Variants in DCAF13 observed in about 807,000 individuals in gnomAD.
DCAF13 encodes DDB1 and CUL4 associated factor 13.
DCAF13 carries 38 observed loss-of-function variants against 59.0 expected under a neutral mutation model. That is an observed-to-expected ratio of 0.64 (90% CI 0.50 to 0.84). DCAF13 has a LOEUF of 0.84. Among genes scored for constraint, DCAF13 ranks in the 40% least tolerant of loss-of-function variants. The pLI is 0.00. For synonymous variants in DCAF13, 173 were observed against 175.0 expected (o/e 0.99, Z 0.09); for missense variants, 469 against 558.4 (o/e 0.84, Z 1.61).
At position 103,435,904 on chromosome 8, in the gene DCAF13, A is replaced by G; in HGVS notation, c.950+114A>G. 3.7e-6 allele frequency: 4 copies of G among 1,091,150 alleles called. No homozygotes were observed. The South Asian group carries it at 4.1e-5, about 11-fold the overall frequency. The allele number at this position is 1,091,150 out of a possible 1,614,324, so 67.6% of individuals were successfully genotyped here. On this transcript the variant is annotated intron_variant, in intron 8 of 10. Transcript: ENST00000612750. ...CATTGTGTGAACATCATCAGAGTGC[A>G]CTTAAACAAAACTAGATGGTATAAC...
rs966869206 is a variant in DCAF13, at chr8:103,425,162, T to C, written c.379-894T>C. Among the ~76,000 whole-genome samples, 8 of 152,306 alleles carry C rather than the reference T, an allele frequency of 5.3e-5. No individual in the cohort carries two copies. The East Asian group carries it at 1.5e-3, about 29-fold the overall frequency. ...CTTTGTTAATGATTTTATCAAAAAG[T>C]GGATATAGATTGCATCTAATATATA... On this transcript the variant is annotated intron_variant, in intron 3 of 10. Transcript: ENST00000612750.
chr8:103,418,348 C>A (rs560179982), intron 1 of DCAF13, among the ~76,000 whole-genome samples: 5 of 151,270 alleles, frequency 3.3e-5, no homozygotes, highest in Non-Finnish European at 7.4e-5. Context: ...AGGAGACCCC[C>A]GTCTCTACAA....
intron 1 of DCAF13, 53 bp from the exon 2 acceptor site, chr8:103,420,211 G>T: frequency 6.6e-7 from 1 of 1,510,950 alleles, no homozygotes; most frequent in South Asian, 1.1e-5. Flanking sequence ...AGCTGAGGAA[G>T]ACTGCAGGAA....
chr8:103,443,176 AC>A lies in DCAF13; in HGVS notation c.*295del, dbSNP rs1375126522. On this transcript the variant is annotated 3_prime_UTR_variant, in exon 11 of 11. Coordinates refer to ENST00000612750, the MANE Select transcript of DCAF13 (RefSeq NM_015420.7). Reference sequence around the variant, plus strand: ...CTTTCTCTTTGATCTATTATTGTAGACACTATACATTCAAATTGACATTTAA... The same window carrying A: ...CTTTCTCTTTGATCTATTATTGTAGAACTATACATTCAAATTGACATTTAA... The A allele has an allele frequency of 4.9e-6, 1 of 202,876 alleles. No homozygotes were observed. Among genetic ancestry groups the A allele is most frequent in the Non-Finnish European group, 9.8e-6 (1 of 101,798 alleles). 12.6% of individuals were successfully genotyped at this position (202,876 alleles called of 1,614,324 possible).
rs141948809 is a variant in DCAF13 at position 103,421,879 on chromosome 8, G to C, written c.378+797G>C. ...TCCGTTCATTCATCAATGAGCATTT[G>C]ATTTGTTTCCACCTTTTGGCTATTG... On this transcript the variant is annotated intron_variant, in intron 3 of 10. Coordinates refer to ENST00000612750, the MANE Select transcript of DCAF13 (RefSeq NM_015420.7). Among the ~76,000 whole-genome samples, 18 of 152,294 alleles carry C rather than the reference G, an allele frequency of 1.2e-4. No individual in the cohort carries two copies. The East Asian group carries it at 3.3e-3, about 28-fold the overall frequency.
chr8:103,424,953 A>G (rs1032129330), intron 3 of DCAF13, among the ~76,000 whole-genome samples: 1 of 152,196 alleles, frequency 6.6e-6, no homozygotes, highest in Non-Finnish European at 1.5e-5. Flanking sequence ...GTAGTTAAGG[A>G]TTCTGTTCAT....
intron 8 of DCAF13, among the ~76,000 whole-genome samples, chr8:103,437,670 T>C (rs1816950158): frequency 6.6e-6 from 1 of 152,082 alleles, no homozygotes; most frequent in South Asian, 2.1e-4. Context: ...CTAATTTGTT[T>C]CTGTGGTTTG....
chr8:103,423,678 C>G (rs1464171378), intron 3 of DCAF13, among the ~76,000 whole-genome samples: 4 of 152,112 alleles, frequency 2.6e-5, no homozygotes, highest in Non-Finnish European at 5.9e-5. Context: ...ATGTTCTCAC[C>G]ACAAAATAAT....
In DCAF13 at chr8:103,417,724, ACT is replaced by A. The variant is rs1350356841; in HGVS notation, c.70+2211_70+2212del. Among the ~76,000 whole-genome samples the A allele has an allele frequency of 7.9e-5, 12 of 151,936 alleles. No homozygotes were observed. The East Asian group carries it at 1.4e-3, about 17-fold the overall frequency. On this transcript the variant is annotated intron_variant, in intron 1 of 10. Coordinates refer to ENST00000612750, the MANE Select transcript of DCAF13 (RefSeq NM_015420.7). ...ATGTTGAGAAGGGATCTGCTCAAAAACTCTGTTATTAATGGGGCACACAGAAA... is the reference window on the plus strand; with the variant it reads ...ATGTTGAGAAGGGATCTGCTCAAAAACTGTTATTAATGGGGCACACAGAAA...
chr8:103,420,652 A>C (rs1284448600), intron 2 of DCAF13, 189 bp downstream of exon 2: 1 of 612,184 alleles, frequency 1.6e-6, no homozygotes, highest in Middle Eastern at 4.3e-4. Context: ...CAGTAGTTTA[A>C]GGATCAATTT....
chr8:103,423,335 A>AG (rs1216299991), intron 3 of DCAF13, among the ~76,000 whole-genome samples: 1 of 152,212 alleles, frequency 6.6e-6, no homozygotes, highest in African/African-American at 2.4e-5. Flanking sequence ...TTTAAAAAAA[A>AG]AAGTACACAC....
intron 10 of DCAF13, 171 bp downstream of exon 10, chr8:103,441,789 T>C: frequency 1.6e-6 from 1 of 633,092 alleles, no homozygotes; most frequent in Non-Finnish European, 2.5e-6. Context: ...TTCTTTTTTT[T>C]TTTTTTGAGA....
At position 103,422,455 on chromosome 8, in the gene DCAF13, G is replaced by A. The variant is rs115081944; in HGVS notation, c.378+1373G>A. ...AGCCTTGGGGAATGCCCACCTCTGG[G>A]AAGTGGGAAAACTCTAGGAGTAGCC... On this transcript the variant is annotated intron_variant, in intron 3 of 10. Transcript: ENST00000612750. Among the ~76,000 whole-genome samples, 1,071 of 152,280 alleles carry A rather than the reference G, an allele frequency of 7.0e-3. 8 individuals are homozygous for A. Among genetic ancestry groups the A allele is most frequent in the African/African-American group, 0.024 (1,013 of 41,550 alleles).
chr8:103,435,505 G>A, intron 7 of DCAF13, 121 bp from the exon 8 acceptor site: 2 of 770,758 alleles, frequency 2.6e-6, no homozygotes, highest in Non-Finnish European at 3.9e-6. Context: ...GTACAGCATT[G>A]AGCTTTTTGT....
In DCAF13 at chr8:103,425,184, T is replaced by C. The variant is rs376293859; in HGVS notation, c.379-872T>C. On this transcript the variant is annotated intron_variant, in intron 3 of 10. Transcript: ENST00000612750. ...AAGTGGATATAGATTGCATCTAATATATAAATGTAAGATTTTAAGTTAAAA... is the reference window on the plus strand; with the variant it reads ...AAGTGGATATAGATTGCATCTAATACATAAATGTAAGATTTTAAGTTAAAA... Among the ~76,000 whole-genome samples the C allele has an allele frequency of 7.9e-5, 12 of 152,376 alleles. No homozygotes were observed. The South Asian group carries it at 8.3e-4, about 11-fold the overall frequency.
rs566758015 is a variant in DCAF13, at chr8:103,430,480, A to T, written c.625-132A>T. 204 of 575,142 alleles carry T rather than the reference A, an allele frequency of 3.5e-4. 1 individual carries two copies. The East Asian group carries it at 5.2e-3, about 15-fold the overall frequency. The allele number at this position is 575,142 out of a possible 1,614,324, so 35.6% of individuals were successfully genotyped here. A position where few individuals can be genotyped will look rare whatever the true frequency, so the allele number is the denominator to read the frequency against. On this transcript the variant is annotated intron_variant, in intron 5 of 10. Transcript: ENST00000612750. Reference sequence around the variant, plus strand: ...AAGTTGCTGAGATTATGGATGATTTATTGTACCCTCTTAAAATGGACTTTG... The same window carrying T: ...AAGTTGCTGAGATTATGGATGATTTTTTGTACCCTCTTAAAATGGACTTTG...
At chr8:103,423,876 A>AT (rs559098779) in intron 3 of DCAF13, among the ~76,000 whole-genome samples, 9 of 152,092 alleles carry the variant, frequency 5.9e-5, no homozygotes, top group African/African-American at 1.7e-4. Flanking sequence ...CCCCCACTTT[A>AT]TTTTTTTAAA....
chr8:103,438,135 T>G (rs1176818802), intron 8 of DCAF13, among the ~76,000 whole-genome samples: 1 of 152,176 alleles, frequency 6.6e-6, no homozygotes, highest in Non-Finnish European at 1.5e-5. Context: ...TTATGTTTAA[T>G]GGTTACGGAA....
At chr8:103,442,618 A>C in intron 10 of DCAF13, 177 bp from the exon 11 acceptor site, 1 of 462,880 alleles carries the variant, frequency 2.2e-6, no homozygotes, top group Non-Finnish European at 3.9e-6. Flanking sequence ...ATAAGAAGCA[A>C]TTAAATAAGT....
Sources: gnomAD v4.1 joint callset for allele counts (sites outside exome capture counted in the v4.1 genomes callset) on GRCh38, gnomAD v4.1.1 for gene constraint, MANE v1.5 for transcripts, NCBI Gene and HGNC (gene_info 2026-07-23, HGNC 2026-07-21) for gene names.